The following CNKSR3 variants were observed in gnomAD, a reference collection of about 807,000 sequenced individuals.
CNKSR3 encodes connector enhancer of kinase suppressor of ras 3.
In CNKSR3, 36 loss-of-function variants were observed where a neutral mutation model predicts 67.7. That is an observed-to-expected ratio of 0.53 (90% CI 0.41 to 0.70). The LOEUF (loss-of-function observed/expected upper bound fraction) is 0.70, where lower values mean the gene tolerates loss of function less well. Among genes scored for constraint, CNKSR3 ranks in the 30% least tolerant of loss-of-function variants. CNKSR3 has a pLI of 0.00. For synonymous variants in CNKSR3, 281 were observed against 271.4 expected, an observed-to-expected ratio of 1.04 and a Z score of -0.35; for missense variants, 630 against 695.2, an observed-to-expected ratio of 0.91 and a Z score of 1.05.
At chr6:154,496,624 T>A (rs1433929069) in intron 1 of CNKSR3, among the ~76,000 whole-genome samples, 1 of 152,216 alleles carries the variant, frequency 6.6e-6, no homozygotes, top group Non-Finnish European at 1.5e-5. Flanking sequence ...TATGAGAGCA[T>A]TAGAACCTAA....
At chr6:154,464,964 A>AC (rs1287690925) in intron 1 of CNKSR3, among the ~76,000 whole-genome samples, 1 of 151,054 alleles carries the variant, frequency 6.6e-6, no homozygotes, top group African/African-American at 2.4e-5. Flanking sequence ...ACATGGTGAA[A>AC]CCCCATCTCT....
intron 1 of CNKSR3, among the ~76,000 whole-genome samples, chr6:154,465,256 A>G (rs748264329): frequency 2.0e-5 from 3 of 152,140 alleles, no homozygotes; most frequent in Non-Finnish European, 2.9e-5. Flanking sequence ...TCTTTAATGC[A>G]AAATACAATA....
intron 1 of CNKSR3, among the ~76,000 whole-genome samples, chr6:154,470,147 T>C (rs6557358): frequency 0.52 from 76,324 of 146,258 alleles, 22,203 homozygotes; most frequent in African/African-American, 0.79. Flanking sequence ...TCTTTATTTC[T>C]TATTCTCCCA....
intron 1 of CNKSR3, among the ~76,000 whole-genome samples, chr6:154,458,895 G>C (rs970726529): frequency 6.6e-6 from 1 of 152,100 alleles, no homozygotes; most frequent in Admixed American, 6.5e-5. Flanking sequence ...AAACTGGATT[G>C]GAAAGCTGCC....
intron 2 of CNKSR3, among the ~76,000 whole-genome samples, chr6:154,443,104 C>G (rs916538138): frequency 1.3e-5 from 2 of 151,998 alleles, no homozygotes; most frequent in East Asian, 3.9e-4. Context: ...CACCGTGTTG[C>G]CCAGGCTGGT....
intron 1 of CNKSR3, among the ~76,000 whole-genome samples, chr6:154,451,478 C>T (rs544210084): frequency 2.9e-3 from 211 of 73,782 alleles, no homozygotes; most frequent in African/African-American, 0.012. Flanking sequence ...AACGCGCACA[C>T]ACACACACGC....
At chr6:154,436,293 T>C (rs2128716600) in intron 4 of CNKSR3, among the ~76,000 whole-genome samples, 1 of 151,938 alleles carries the variant, frequency 6.6e-6, no homozygotes, top group Admixed American at 6.5e-5. Flanking sequence ...CACCTCAGCC[T>C]CCCAAGTAGC....
At chr6:154,436,831 G>A (rs865815105) in intron 4 of CNKSR3, among the ~76,000 whole-genome samples, 6 of 152,082 alleles carry the variant, frequency 3.9e-5, no homozygotes, top group Admixed American at 6.6e-5. Context: ...AACACTGAAC[G>A]GGAAGATCTA....
chr6:154,439,306 C>G (rs1484493850), intron 4 of CNKSR3, among the ~76,000 whole-genome samples: 1 of 152,164 alleles, frequency 6.6e-6, no homozygotes, highest in Non-Finnish European at 1.5e-5. Flanking sequence ...GCAGCAGACA[C>G]AGAATAAGTG....
Position 154,448,024 on chromosome 6 carries a change from C to T in CNKSR3, c.216+2071G>A, listed in dbSNP as rs190113562. ...TCTTTTGTGAACCCCTAAGTGACCCCCCCTGTCCAATGTAGTCACTGGCAC... is the reference window on the plus strand; with the variant it reads ...TCTTTTGTGAACCCCTAAGTGACCCTCCCTGTCCAATGTAGTCACTGGCAC... On this transcript the variant is annotated intron_variant, in intron 2 of 12. Coordinates refer to ENST00000607772, the MANE Select transcript of CNKSR3 (RefSeq NM_173515.4). Among the ~76,000 whole-genome samples the T allele has an allele frequency of 5.3e-5, 8 of 152,106 alleles. 1 individual carries two copies. The East Asian group carries it at 1.6e-3, about 30-fold the overall frequency.
chr6:154,439,099 G>A (rs939653745), intron 4 of CNKSR3, among the ~76,000 whole-genome samples: 2 of 152,118 alleles, frequency 1.3e-5, no homozygotes, highest in South Asian at 2.1e-4. Context: ...TCAAGGAGGC[G>A]GCTCTAGGCA....
chr6:154,414,533 G>C, intron 9 of CNKSR3, 110 bp from the exon 10 acceptor site: 1 of 1,127,184 alleles, frequency 8.9e-7, no homozygotes, highest in Non-Finnish European at 1.3e-6. Context: ...TCTGAACAGG[G>C]ACTGAGGTCA....
At chr6:154,451,841 A>G (rs1434515437) in intron 1 of CNKSR3, among the ~76,000 whole-genome samples, 1 of 152,192 alleles carries the variant, frequency 6.6e-6, no homozygotes, top group Non-Finnish European at 1.5e-5. Flanking sequence ...CCTCCCTGAA[A>G]TGACATCTGT....
chr6:154,433,677 C>A, intron 4 of CNKSR3, 170 bp from the exon 5 acceptor site: 1 of 607,760 alleles, frequency 1.6e-6, no homozygotes, highest in Non-Finnish European at 3.0e-6. Context: ...AGAGTGGGAA[C>A]AGAGCTGACG....
At chr6:154,494,791 G>A (rs974199733) in intron 1 of CNKSR3, among the ~76,000 whole-genome samples, 1 of 152,070 alleles carries the variant, frequency 6.6e-6, no homozygotes, top group Non-Finnish European at 1.5e-5. Context: ...TCTTGCCTTG[G>A]CAACCCTAAG....
At chr6:154,449,089 A>G (rs1345466037) in intron 2 of CNKSR3, among the ~76,000 whole-genome samples, 2 of 152,180 alleles carry the variant, frequency 1.3e-5, no homozygotes, top group Non-Finnish European at 2.9e-5. Context: ...GAAGCTACCC[A>G]TGTGATTCTA....
chr6:154,394,387 G>C lies in CNKSR3; in HGVS notation c.*11967C>G, dbSNP rs1298440553. ...GACCCATCTCCCAATTTACCAGGTG[G>C]ATAATGCCTGGGTCACCTTGAAGTC... On this transcript the variant is annotated 3_prime_UTR_variant, in exon 13 of 13. Transcript: ENST00000607772. 6.6e-6 allele frequency: 1 copy of C among 152,074 alleles called. No homozygotes were observed. The highest frequency in any genetic ancestry group is 3.1e-3 in the Middle Eastern group (1 of 318). The allele number at this position is 152,074 out of a possible 1,614,324, so 9.4% of individuals were successfully genotyped here.
intron 9 of CNKSR3, 94 bp from the exon 10 acceptor site, chr6:154,414,517 C>T: frequency 7.5e-7 from 1 of 1,337,446 alleles, no homozygotes; most frequent in Non-Finnish European, 1.0e-6. Flanking sequence ...CAACACCAAC[C>T]CCGTGTCTGA....
rs1304878860 is a variant in CNKSR3 at position 154,414,306 on chromosome 6, A to G, written c.1063T>C (p.Ser355Pro). ...YIPPPPAVPYSPRDENGSFVY... is the reference protein window; with the variant it reads ...YIPPPPAVPYPPRDENGSFVY... ...CAATGGACAGCAACATACCGGGGAG[A>G]GTAGGGAACAGCAGGCGGAGGAGGA... The change falls in exon 10 of 13, where the codon TCT (serine) becomes CCT (proline). Residue 355 changes from serine to proline, a missense_variant. Ser to Pro is a moderately conservative substitution (Grantham distance 74, BLOSUM62 -1). Transcript: ENST00000607772. 6.3e-7 allele frequency: 1 copy of G among 1,598,230 alleles called. No homozygotes were observed. Among genetic ancestry groups the G allele is most frequent in the African/African-American group, 1.3e-5 (1 of 74,384 alleles).
Sources: allele counts gnomAD v4.1 joint callset (sites outside exome capture counted in the v4.1 genomes callset), GRCh38; gene constraint gnomAD v4.1.1; transcripts MANE v1.5; gene names NCBI Gene and HGNC (gene_info 2026-07-23, HGNC 2026-07-21).